The following CDK13 variants were observed in gnomAD, a reference collection of about 807,000 sequenced individuals.
CDK13 encodes cyclin-dependent kinase 13.
A neutral mutation model predicts 137.6 loss-of-function variants in CDK13; 40 were observed. The ratio of observed to expected loss-of-function variants is 0.29; its 90% CI spans 0.23 to 0.38. CDK13 has a LOEUF of 0.38. Among genes scored for constraint, CDK13 ranks in the 10% least tolerant of loss-of-function variants. The pLI is 1.00. For synonymous variants in CDK13, 869 were observed against 760.1 expected, an observed-to-expected ratio of 1.14 and a Z score of -2.36; for missense variants, 1,704 against 1,951.8, an observed-to-expected ratio of 0.87 and a Z score of 2.39.
intron 7 of CDK13, among the ~76,000 whole-genome samples, chr7:40,052,762 A>G (rs1212772242): frequency 1.3e-5 from 2 of 152,156 alleles, no homozygotes; most frequent in South Asian, 4.1e-4. Flanking sequence ...TAGTATTACC[A>G]TATTTTATTC....
rs537217108 is a variant in CDK13, at chr7:39,969,507, T to C, written c.1211+17655T>C. Among the ~76,000 whole-genome samples, 13 of 152,336 alleles carry C rather than the reference T, an allele frequency of 8.5e-5. No homozygotes were observed. The South Asian group carries it at 1.4e-3, about 17-fold the overall frequency. ...ACATTTGAGTACAGGTCTTTTGTTTTTGTTTCTCTTGAATAAGTTAGGAGA... is the reference window on the plus strand; with the variant it reads ...ACATTTGAGTACAGGTCTTTTGTTTCTGTTTCTCTTGAATAAGTTAGGAGA... On this transcript the variant is annotated intron_variant, in intron 1 of 13. Transcript: ENST00000181839.
At chr7:39,994,833 T>G (rs936841649) in intron 2 of CDK13, among the ~76,000 whole-genome samples, 1 of 152,136 alleles carries the variant, frequency 6.6e-6, no homozygotes, top group African/African-American at 2.4e-5. Context: ...TAATTTTTCT[T>G]TTTGAGAAAC....
At chr7:40,068,572 TA>T (rs1198304261) in intron 9 of CDK13, among the ~76,000 whole-genome samples, 2 of 151,698 alleles carry the variant, frequency 1.3e-5, no homozygotes, top group African/African-American at 4.8e-5. Context: ...TGTGTGCCTG[TA>T]ATCCCAGCTA....
At position 39,950,999 on chromosome 7, in the gene CDK13, G is replaced by C; in HGVS notation, c.358G>C (p.Val120Leu). Residue 120 changes from valine (V) to leucine (L), a missense_variant, in exon 1 of 14, where the codon GTC becomes CTC. Val to Leu is a conservative substitution (Grantham distance 32). This residue lies in a region of CDK13 where 1,051 missense variants were observed against 931.0 expected (regional missense o/e 1.13). Transcript: ENST00000181839. ...RAGQEAEKRRVFSLPQPQQDG... is the reference protein window; with the variant it reads ...RAGQEAEKRRLFSLPQPQQDG... ...CGGGCAGGAGGCGGAGAAGCGTCGG[G>C]TCTTCTCGCTGCCCCAGCCGCAGCA... 1 of 1,308,290 alleles carries C rather than the reference G, an allele frequency of 7.6e-7. No individual in the cohort carries two copies. The highest frequency in any genetic ancestry group is 9.7e-7 in the Non-Finnish European group (1 of 1,032,464). 81.0% of individuals were successfully genotyped at this position (1,308,290 alleles called of 1,614,324 possible). A position where few individuals can be genotyped will look rare whatever the true frequency, so the allele number is the denominator to read the frequency against.
intron 2 of CDK13, 44 bp downstream of exon 2, chr7:39,988,302 TG>T (rs1299763248): frequency 3.4e-6 from 5 of 1,484,774 alleles, no homozygotes; most frequent in Non-Finnish European, 4.6e-6. Flanking sequence ...AAAGAAAAAA[TG>T]TAAGTCTGAA....
rs551104753 is a variant in CDK13, at chr7:39,974,489, C to T, written c.1212-13110C>T. On this transcript the variant is annotated intron_variant, in intron 1 of 13. Coordinates refer to ENST00000181839, the MANE Select transcript of CDK13 (RefSeq NM_003718.5). ...TGTAGTTTTCAGGGTATAAGCCTTGCACTTTTTAAACTTTTAGGTATTTCA... is the reference window on the plus strand; with the variant it reads ...TGTAGTTTTCAGGGTATAAGCCTTGTACTTTTTAAACTTTTAGGTATTTCA... 1.2e-4 allele frequency among the ~76,000 whole-genome samples: 18 copies of T among 151,654 alleles called. No individual in the cohort carries two copies. The South Asian group carries it at 3.5e-3, about 30-fold the overall frequency.
At chr7:39,991,960 G>T (rs1036588919) in intron 2 of CDK13, among the ~76,000 whole-genome samples, 1 of 152,002 alleles carries the variant, frequency 6.6e-6, no homozygotes, top group Non-Finnish European at 1.5e-5. Flanking sequence ...GCTGAGGTGG[G>T]AGCATCACCT....
intron 1 of CDK13, among the ~76,000 whole-genome samples, chr7:39,975,286 C>T (rs1784082319): frequency 6.6e-6 from 1 of 152,000 alleles, no homozygotes; most frequent in Admixed American, 6.6e-5. Context: ...TGGTGGTGTG[C>T]ACTTGTCCCA....
intron 1 of CDK13, among the ~76,000 whole-genome samples, chr7:39,961,433 T>C (rs1284312268): frequency 6.6e-6 from 1 of 152,130 alleles, no homozygotes; most frequent in East Asian, 1.9e-4. Flanking sequence ...GCCCAATAGA[T>C]CGCTAAAATT....
chr7:39,979,857 G>T (rs1784187732), intron 1 of CDK13, among the ~76,000 whole-genome samples: 1 of 152,134 alleles, frequency 6.6e-6, no homozygotes, highest in African/African-American at 2.4e-5. Context: ...ACAGGAATAG[G>T]AGAGAGAAAA....
At chr7:40,089,955 T>C (rs191074518) in intron 12 of CDK13, among the ~76,000 whole-genome samples, 1 of 152,340 alleles carries the variant, frequency 6.6e-6, no homozygotes, top group Admixed American at 6.5e-5. Flanking sequence ...AAGCTTCTAC[T>C]TGACCTTGGT....
In CDK13 at chr7:39,987,847, C is replaced by T. The variant is rs1321263449; in HGVS notation, c.1460C>T (p.Ala487Val). The T allele has an allele frequency of 3.1e-6, 5 of 1,614,192 alleles. No homozygotes were observed. The South Asian group carries it at 5.5e-5, about 18-fold the overall frequency. The change falls in exon 2 of 14, where the codon GCA (alanine) becomes GTA (valine). Residue 487 changes from alanine to valine, a missense_variant. Around this residue, in one of 5 missense-constraint regions of CDK13, gnomAD observed 1,051 missense variants for 931.0 expected, o/e 1.13. Transcript: ENST00000181839. ...GCTGCTGAGGCTGCTGCCAAGGCTG[C>T]AAAAGCTTCAAACACTTCTACACCT... is the stretch of plus-strand genomic sequence containing the variant. ...TKAAEAAAKA[A>V]KASNTSTPTK...
intron 9 of CDK13, among the ~76,000 whole-genome samples, chr7:40,075,427 C>T (rs1786524575): frequency 6.6e-6 from 1 of 151,780 alleles, no homozygotes; most frequent in African/African-American, 2.4e-5. Flanking sequence ...TATCTTTCAA[C>T]ATCACATATG....
intron 1 of CDK13, among the ~76,000 whole-genome samples, chr7:39,978,188 T>TA (rs1343582792): frequency 6.6e-6 from 1 of 151,932 alleles, no homozygotes; most frequent in East Asian, 1.9e-4. Flanking sequence ...AGAATGAATA[T>TA]AGGAAGGAAG....
chr7:40,037,022 A>T (rs993836321), intron 5 of CDK13, among the ~76,000 whole-genome samples: 5 of 152,172 alleles, frequency 3.3e-5, no homozygotes, highest in African/African-American at 7.2e-5. Flanking sequence ...CTTGCCTTTT[A>T]AACATTTTAT....
At chr7:40,080,279 C>T (rs1237948675) in intron 11 of CDK13, among the ~76,000 whole-genome samples, 3 of 152,134 alleles carry the variant, frequency 2.0e-5, no homozygotes, top group South Asian at 2.1e-4. Context: ...TGAGCCACCA[C>T]GCCCAGCCTT....
At chr7:39,968,134 A>G (rs1783913656) in intron 1 of CDK13, among the ~76,000 whole-genome samples, 1 of 152,200 alleles carries the variant, frequency 6.6e-6, no homozygotes, top group South Asian at 2.1e-4. Context: ...TTTGAATATT[A>G]ATGTGTTATC....
Position 40,013,639 on chromosome 7 carries a change from C to T in CDK13, c.2353+11608C>T, listed in dbSNP as rs959906759. 3.3e-5 allele frequency among the ~76,000 whole-genome samples: 5 copies of T among 152,112 alleles called. No individual in the cohort carries two copies. The East Asian group carries it at 5.8e-4, about 18-fold the overall frequency. ...TGGAAATGGAGAATGACTGCTAATG[C>T]GTGTGAGGTTTCTTTCTAGGGTCAT... On this transcript the variant is annotated intron_variant, in intron 5 of 13. Transcript: ENST00000181839.
chr7:39,956,331 T>G (rs1313032105), intron 1 of CDK13, among the ~76,000 whole-genome samples: 3 of 152,212 alleles, frequency 2.0e-5, no homozygotes, highest in African/African-American at 4.8e-5. Context: ...TGTGTTTTGC[T>G]CCTTCTCTGA....
Sources: allele counts gnomAD v4.1 joint callset (sites outside exome capture counted in the v4.1 genomes callset), GRCh38; gene constraint gnomAD v4.1.1; regional missense constraint gnomAD v4.1.1; transcripts MANE v1.5; gene names NCBI Gene and HGNC (gene_info 2026-07-23, HGNC 2026-07-21).